Variants in RP1 observed in about 807,000 individuals in gnomAD.
RP1 encodes the protein RP1 axonemal microtubule associated.
In RP1, 16 loss-of-function variants were observed where a neutral mutation model predicts 14.8. The ratio of observed to expected loss-of-function variants is 1.08; its 90% CI spans 0.73 to 1.65. RP1 has a LOEUF of 1.65. Ranked by LOEUF, RP1 falls within the 40% of genes most tolerant of loss-of-function variation. The pLI is 0.00. For missense variants in RP1, 2,631 were observed against 2,535.0 expected, an observed-to-expected ratio of 1.04 and a Z score of -0.81; for synonymous variants, 876 against 883.6, an observed-to-expected ratio of 0.99 and a Z score of 0.15.
chr8:54,834,885 A>G (rs1211208432), intron 24 of RP1, among the ~76,000 whole-genome samples: 1 of 152,168 alleles, frequency 6.6e-6, no homozygotes, highest in East Asian at 1.9e-4. Context: ...AATGTCCCAG[A>G]TTGAATTCAG....
At chr8:54,838,761 A>G (rs975585537) in intron 25 of RP1, among the ~76,000 whole-genome samples, 4 of 151,972 alleles carry the variant, frequency 2.6e-5, no homozygotes, top group African/African-American at 9.7e-5. Flanking sequence ...GTTGTATTTG[A>G]TACTAATACT....
intron 3 of RP1, among the ~76,000 whole-genome samples, chr8:54,623,732 G>A (rs899858889): frequency 9.2e-5 from 14 of 152,176 alleles, no homozygotes; most frequent in South Asian, 2.1e-4. Flanking sequence ...CAGCTGCAAC[G>A]ATTATACAAA....
At chr8:54,758,530 G>A (rs542539037) in intron 21 of RP1, among the ~76,000 whole-genome samples, 2 of 152,198 alleles carry the variant, frequency 1.3e-5, no homozygotes, top group African/African-American at 4.8e-5. Flanking sequence ...ATGTCTCAAA[G>A]CATATCAGTA....
At chr8:54,609,352 G>A (rs1468002468) in intron 1 of RP1, among the ~76,000 whole-genome samples, 1 of 152,030 alleles carries the variant, frequency 6.6e-6, no homozygotes, top group East Asian at 1.9e-4. Context: ...TACTCAGGAG[G>A]TTTAGGCTGG....
rs114560314 is a variant in RP1 at position 54,598,668 on chromosome 8, T to A, written c.-12-22287T>A. 8.4e-3 allele frequency among the ~76,000 whole-genome samples: 1,278 copies of A among 152,334 alleles called. 14 individuals carry two copies. Among genetic ancestry groups the A allele is most frequent in the African/African-American group, 0.029 (1,220 of 41,580 alleles). ...AGAGTAATTCTGCTGGTGACAAATA[T>A]TCTTAGTTTTCCTTCATCTGAGCAT... On this transcript the variant is annotated intron_variant, in intron 1 of 22. Coordinates refer to the RP1 transcript ENST00000636932.
intron 23 of RP1, among the ~76,000 whole-genome samples, chr8:54,775,228 C>G (rs1810004668): frequency 6.6e-6 from 1 of 152,124 alleles, no homozygotes; most frequent in Non-Finnish European, 1.5e-5. Flanking sequence ...ATGTGGGAGA[C>G]TGTTTGCTAA....
intron 4 of RP1, among the ~76,000 whole-genome samples, chr8:54,651,845 C>G (rs1436640365): frequency 6.6e-6 from 1 of 151,966 alleles, no homozygotes. Context: ...GATTTCTCTT[C>G]TTTTTAAATG....
intron 24 of RP1, among the ~76,000 whole-genome samples, chr8:54,806,480 T>C (rs1230294506): frequency 1.3e-5 from 2 of 152,200 alleles, no homozygotes; most frequent in African/African-American, 2.4e-5. Flanking sequence ...CAAAATGACA[T>C]AACTGCTTTT....
At chr8:54,659,480 G>A (rs955623223) in intron 6 of RP1, among the ~76,000 whole-genome samples, 2 of 151,864 alleles carry the variant, frequency 1.3e-5, no homozygotes, top group African/African-American at 2.4e-5. Context: ...ACCATTTATC[G>A]ACGAGACTGT....
Position 54,585,757 on chromosome 8 carries a change from T to C in RP1, c.-13+26437T>C, listed in dbSNP as rs1242970928. ...TTCATTTCATTCATTTAATCTTCCATCACAGATACGCTTTCTTCCTGTTGA... is the reference window on the plus strand; with the variant it reads ...TTCATTTCATTCATTTAATCTTCCACCACAGATACGCTTTCTTCCTGTTGA... On this transcript the variant is annotated intron_variant, in intron 1 of 22. Coordinates refer to the RP1 transcript ENST00000636932. Among the ~76,000 whole-genome samples the C allele has an allele frequency of 4.6e-5, 7 of 152,334 alleles. No individual in the cohort carries two copies. In the East Asian group the frequency reaches 1.3e-3, roughly 29 times the overall value.
chr8:54,772,768 T>G (rs1449780436), downstream of RP1, among the ~76,000 whole-genome samples: 1 of 152,196 alleles, frequency 6.6e-6, no homozygotes, highest in East Asian at 1.9e-4. Flanking sequence ...TGATTTTCAC[T>G]GCCCACTGCC....
In RP1 at chr8:54,626,134, C is replaced by A; in HGVS notation, c.2252C>A (p.Ser751Tyr). The change falls in exon 4 of 4, where the codon TCC (serine) becomes TAC (tyrosine). Residue 751 changes from serine (S) to tyrosine (Y), a missense_variant. By Grantham distance (144) the Ser-to-Tyr change is moderately radical. Coordinates refer to ENST00000220676, the MANE Select transcript of RP1 (RefSeq NM_006269.2). ...TTTTGTTCCAAAAGTAATCTCAATT[C>A]CACGATTTCCAAGAATTTCCATAGA... ...NTFCSKSNLN[S>Y]TISKNFHRNK... 3.1e-6 allele frequency: 5 copies of A among 1,612,902 alleles called. No homozygotes were observed. The highest frequency in any genetic ancestry group is 4.2e-6 in the Non-Finnish European group (5 of 1,179,572).
At chr8:54,854,879 T>C (rs1812154001) in intron 26 of RP1, among the ~76,000 whole-genome samples, 1 of 152,116 alleles carries the variant, frequency 6.6e-6, no homozygotes, top group Non-Finnish European at 1.5e-5. Flanking sequence ...AATAAATGAA[T>C]AAATAAAATT....
At chr8:54,615,424 T>C (rs1461217615), upstream of RP1, among the ~76,000 whole-genome samples, 1 of 152,146 alleles carries the variant, frequency 6.6e-6, no homozygotes, top group Non-Finnish European at 1.5e-5. Flanking sequence ...CATCTTCAAG[T>C]CCGATTAGAC....
chr8:54,812,797 CTATCTATCTA>C (rs924343035), intron 24 of RP1, among the ~76,000 whole-genome samples: 132 of 150,650 alleles, frequency 8.8e-4, no homozygotes, highest in African/African-American at 2.4e-3. Context: ...ATCTATCTAT[CTATCTATCTA>C]TCTCTCCGTC....
chr8:54,792,807 C>T (rs545100420), intron 24 of RP1, among the ~76,000 whole-genome samples: 13 of 151,084 alleles, frequency 8.6e-5, no homozygotes, highest in Admixed American at 8.6e-4. Context: ...AAAATAAATC[C>T]AAAGTTAGCA....
intron 15 of RP1, among the ~76,000 whole-genome samples, chr8:54,712,558 C>T (rs956239660): frequency 6.6e-6 from 1 of 152,172 alleles, no homozygotes; most frequent in African/African-American, 2.4e-5. Context: ...TCTGAGCCTA[C>T]CTCCTGATGG....
downstream of RP1, among the ~76,000 whole-genome samples, chr8:54,634,506 GC>G (rs11300666): frequency 0.3 from 45,821 of 152,088 alleles, 8,389 homozygotes; most frequent in Middle Eastern, 0.46. Context: ...CCCCAAGAGG[GC>G]TTGATAAGGC....
chr8:54,607,419 GAGT>G (rs2129308134), intron 1 of RP1, among the ~76,000 whole-genome samples: 2 of 152,310 alleles, frequency 1.3e-5, no homozygotes, highest in African/African-American at 4.8e-5. Flanking sequence ...TGTCTCAGAA[GAGT>G]ACCCAGCTGT....
Sources: allele counts gnomAD v4.1 joint callset (sites outside exome capture counted in the v4.1 genomes callset), GRCh38; gene constraint gnomAD v4.1.1; transcripts MANE v1.5; gene names NCBI Gene and HGNC (gene_info 2026-07-23, HGNC 2026-07-21).